NEK11: variants seen among roughly 807,000 people sequenced by gnomAD.
The protein encoded by NEK11 is NIMA related kinase 11, also known as serine/threonine-protein kinase Nek11.
In NEK11, 72 loss-of-function variants were observed where a neutral mutation model predicts 80.7. The ratio of observed to expected loss-of-function variants is 0.89; its 90% CI spans 0.74 to 1.08. NEK11 has a LOEUF of 1.08. Ranked by LOEUF, NEK11 falls within the 50% of genes least tolerant of loss-of-function variation. NEK11 has a pLI of 0.00. For missense variants in NEK11, 764 were observed against 763.6 expected (o/e 1.00, Z -0.01); for synonymous variants, 251 against 260.7 (o/e 0.96, Z 0.36).
chr3:131,223,522 T>C (rs2095094787), intron 14 of NEK11, among the ~76,000 whole-genome samples: 1 of 152,194 alleles, frequency 6.6e-6, no homozygotes, highest in South Asian at 2.1e-4. Flanking sequence ...TTGTCTGTGT[T>C]GTAGAGATAT....
At chr3:131,177,622 A>AT (rs2093106224) in intron 14 of NEK11, among the ~76,000 whole-genome samples, 2 of 152,082 alleles carry the variant, frequency 1.3e-5, no homozygotes, top group Admixed American at 6.6e-5. Flanking sequence ...CTCCCTGATC[A>AT]TTTTTCTCCT....
chr3:131,117,358 G>A (rs574493467), intron 5 of NEK11, among the ~76,000 whole-genome samples: 65 of 152,182 alleles, frequency 4.3e-4, no homozygotes, highest in African/African-American at 9.6e-4. Context: ...TGGCAGTACC[G>A]TGCTGTTTTG....
At chr3:131,093,650 C>A (rs1292992992) in intron 4 of NEK11, among the ~76,000 whole-genome samples, 6 of 152,150 alleles carry the variant, frequency 3.9e-5, no homozygotes, top group Non-Finnish European at 7.3e-5. Flanking sequence ...CTCCTGACCA[C>A]CCGCCTCTGC....
intron 15 of NEK11, among the ~76,000 whole-genome samples, chr3:131,236,704 G>A (rs1475467936): frequency 1.3e-5 from 2 of 152,130 alleles, no homozygotes; most frequent in Non-Finnish European, 1.5e-5. Context: ...TCCTATCACC[G>A]CACACACTTT....
chr3:131,196,361 T>C (rs2094008891), intron 14 of NEK11, among the ~76,000 whole-genome samples: 1 of 152,022 alleles, frequency 6.6e-6, no homozygotes, highest in Non-Finnish European at 1.5e-5. Flanking sequence ...CAAAAATAAA[T>C]TTCAGTGAAT....
intron 14 of NEK11, among the ~76,000 whole-genome samples, chr3:131,195,766 T>G: frequency 7.2e-6 from 1 of 138,078 alleles, no homozygotes; most frequent in Non-Finnish European, 1.5e-5. Context: ...GTCTACAAAT[T>G]GTATATATAA....
chr3:131,121,791 T>C (rs746158364), intron 5 of NEK11, among the ~76,000 whole-genome samples: 12 of 152,200 alleles, frequency 7.9e-5, no homozygotes, highest in Non-Finnish European at 1.5e-4. Context: ...AAGCCATGCA[T>C]GGGATATAAT....
intron 12 of NEK11, among the ~76,000 whole-genome samples, chr3:131,166,376 A>G (rs1319893345): frequency 6.6e-6 from 1 of 152,222 alleles, no homozygotes; most frequent in Non-Finnish European, 1.5e-5. Context: ...TAGCTTAGTT[A>G]TCAGATGGCT....
intron 14 of NEK11, among the ~76,000 whole-genome samples, chr3:131,223,631 G>A (rs568014317): frequency 5.3e-5 from 8 of 152,338 alleles, no homozygotes; most frequent in South Asian, 2.1e-4. Flanking sequence ...CAAAGGCAGA[G>A]TTGGGTAGTT....
chr3:131,061,960 G>A (rs903041303), intron 3 of NEK11, among the ~76,000 whole-genome samples: 11 of 152,262 alleles, frequency 7.2e-5, no homozygotes, highest in East Asian at 3.9e-4. Flanking sequence ...AGACTGTAGC[G>A]TACACCATGT....
At chr3:131,087,168 C>T (rs1469774975) in intron 4 of NEK11, among the ~76,000 whole-genome samples, 2 of 151,838 alleles carry the variant, frequency 1.3e-5, no homozygotes, top group African/African-American at 4.8e-5. Flanking sequence ...CTAGTTTTTA[C>T]CTCTGAGATT....
Position 131,234,771 on chromosome 3 carries a change from G to GT in NEK11, c.1560+6094dup, listed in dbSNP as rs372987198. ...TGTGGAATACAGCACAGTGGGGTTTGTTTTTTTTTTTACATTATATCACTT... is the reference window on the plus strand; with the variant it reads ...TGTGGAATACAGCACAGTGGGGTTTGTTTTTTTTTTTTACATTATATCACTT... On this transcript the variant is annotated intron_variant, in intron 15 of 17. Transcript: ENST00000383366. 3.2e-3 allele frequency among the ~76,000 whole-genome samples: 452 copies of GT among 141,892 alleles called. 3 individuals carry two copies. The highest frequency in any genetic ancestry group is 7.1e-3 in the African/African-American group (278 of 38,914). 93.1% of individuals were successfully genotyped at this position (141,892 alleles called of 152,430 possible).
At chr3:131,213,147 C>T (rs1031283378) in intron 14 of NEK11, among the ~76,000 whole-genome samples, 16 of 151,958 alleles carry the variant, frequency 1.1e-4, no homozygotes, top group Admixed American at 6.6e-4. Flanking sequence ...CCCATAATTG[C>T]GTGAATGTGA....
intron 17 of NEK11, among the ~76,000 whole-genome samples, chr3:131,345,456 A>T (rs1052058539): frequency 6.6e-6 from 1 of 152,224 alleles, no homozygotes; most frequent in African/African-American, 2.4e-5. Flanking sequence ...AGGGTCACTA[A>T]TCATTAGGAA....
At chr3:131,075,656 C>T (rs779996134) in intron 3 of NEK11, among the ~76,000 whole-genome samples, 1 of 152,130 alleles carries the variant, frequency 6.6e-6, no homozygotes, top group Non-Finnish European at 1.5e-5. Context: ...GCCTTAAATA[C>T]ATTAGAAGAG....
chr3:131,076,518 TA>T (rs1372732327), intron 3 of NEK11, among the ~76,000 whole-genome samples: 1 of 152,158 alleles, frequency 6.6e-6, no homozygotes, highest in Non-Finnish European at 1.5e-5. Flanking sequence ...TGAAAAATCT[TA>T]AAACCCCTGA....
chr3:131,096,217 T>C (rs1256722636), intron 4 of NEK11, among the ~76,000 whole-genome samples: 1 of 151,906 alleles, frequency 6.6e-6, no homozygotes, highest in Non-Finnish European at 1.5e-5. Context: ...CAGTGTCTGT[T>C]GTTCCTCTGT....
At chr3:131,114,609 A>C (rs1020621709) in intron 5 of NEK11, among the ~76,000 whole-genome samples, 8 of 152,160 alleles carry the variant, frequency 5.3e-5, no homozygotes, top group Admixed American at 5.2e-4. Flanking sequence ...ACATGTCATT[A>C]ACCAGAGAAG....
At chr3:131,263,718 G>A (rs994214934) in intron 16 of NEK11, among the ~76,000 whole-genome samples, 2 of 152,064 alleles carry the variant, frequency 1.3e-5, no homozygotes, top group African/African-American at 4.8e-5. Context: ...ATAATCCTTT[G>A]GGTGTATACC....
Sources: allele counts gnomAD v4.1 joint callset (sites outside exome capture counted in the v4.1 genomes callset), GRCh38; gene constraint gnomAD v4.1.1; transcripts MANE v1.5; gene names NCBI Gene and HGNC (gene_info 2026-07-23, HGNC 2026-07-21).